The following TAF4B variants were observed in gnomAD, a reference collection of about 807,000 sequenced individuals.
The protein encoded by TAF4B is transcription initiation factor TFIID subunit 4B.
TAF4B carries 38 observed loss-of-function variants against 86.4 expected under a neutral mutation model. The ratio of observed to expected loss-of-function variants is 0.44; its 90% confidence interval spans 0.34 to 0.58. The LOEUF (loss-of-function observed/expected upper bound fraction) is 0.58, where lower values mean the gene tolerates loss of function less well. TAF4B is among the 20% of genes least tolerant of loss of function. The pLI, the probability that TAF4B is intolerant of heterozygous loss-of-function variation, is 0.02. For missense variants in TAF4B, 988 were observed against 1,027.6 expected, an observed-to-expected ratio of 0.96 and a Z score of 0.53; for synonymous variants, 388 against 391.2, an observed-to-expected ratio of 0.99 and a Z score of 0.10.
rs571638155 is a variant in TAF4B, at chr18:26,282,129, T to G, written c.972+69T>G. 13 of 1,272,226 alleles carry G rather than the reference T, an allele frequency of 1.0e-5. No homozygotes were observed. In the South Asian group the frequency reaches 1.4e-4, roughly 14 times the overall value. The allele number at this position is 1,272,226 out of a possible 1,614,324, so 78.8% of individuals were successfully genotyped here. The stretch of plus-strand genomic sequence containing the variant: ...ACTCTAAAATAATTAAAAATGGGAA[T>G]ATTTCAATATGACAGCAATTGAATG... On this transcript the variant is annotated intron_variant, in intron 6 of 14. Coordinates refer to ENST00000269142, the MANE Select transcript of TAF4B (RefSeq NM_005640.3).
chr18:26,285,952 C>CATGGTCTAG lies in TAF4B; in HGVS notation c.1043_1044insATGGTCTAG (p.Thr348_Ser349insTrpSerSer). ...TTCATCCAGCAATGTGTTCAGCAGACTTCTAGTGACATGGTCATTGCTACC... is the reference window on the plus strand; with the variant it reads ...TTCATCCAGCAATGTGTTCAGCAGACATGGTCTAGTTCTAGTGACATGGTCATTGCTACC... On this transcript the variant is annotated inframe_insertion, in exon 7 of 15. Coordinates refer to ENST00000269142, the MANE Select transcript of TAF4B (RefSeq NM_005640.3). 1.2e-6 allele frequency: 2 copies of CATGGTCTAG among 1,614,210 alleles called. No homozygotes were observed. Among genetic ancestry groups the CATGGTCTAG allele is most frequent in the Non-Finnish European group, 1.7e-6 (2 of 1,180,026 alleles).
intron 1 of TAF4B, among the ~76,000 whole-genome samples, chr18:26,252,223 T>C (rs1263023332): frequency 6.6e-6 from 1 of 152,244 alleles, no homozygotes; most frequent in East Asian, 1.9e-4. Flanking sequence ...GTGTTAGTTT[T>C]GTACTTTGTT....
At chr18:26,237,408 A>G (rs2055765577) in intron 1 of TAF4B, among the ~76,000 whole-genome samples, 1 of 152,184 alleles carries the variant, frequency 6.6e-6, no homozygotes, top group Non-Finnish European at 1.5e-5. Context: ...TAAATCAGAG[A>G]GGTAGAAGGG....
chr18:26,284,615 C>T (rs1315710315), intron 6 of TAF4B, among the ~76,000 whole-genome samples: 4 of 152,134 alleles, frequency 2.6e-5, no homozygotes, highest in African/African-American at 7.2e-5. Flanking sequence ...TGGTGGCTCA[C>T]GCGTGTAATC....
At chr18:26,341,701 GA>G (rs1188145408) in intron 13 of TAF4B, among the ~76,000 whole-genome samples, 5 of 150,380 alleles carry the variant, frequency 3.3e-5, no homozygotes, top group South Asian at 2.1e-4. Flanking sequence ...GTGGTTGGGA[GA>G]AAAAAAAATA....
chr18:26,292,349 A>T lies in TAF4B; in HGVS notation c.1694A>T (p.Asn565Ile). The T allele has an allele frequency of 1.2e-6, 2 of 1,614,110 alleles. No homozygotes were observed. Among genetic ancestry groups the T allele is most frequent in the Non-Finnish European group, 1.7e-6 (2 of 1,179,980 alleles). The change falls in exon 8 of 15, where the codon AAC (asparagine) becomes ATC (isoleucine). Residue 565 changes from asparagine (N) to isoleucine (I), a missense_variant. Around this residue, in one of 3 missense-constraint regions of TAF4B, gnomAD observed 747 missense variants for 737.9 expected, o/e 1.01. Transcript: ENST00000269142. ...TGTGGACAGAAGACGATGCCAGTGA[A>T]CACCATAATACCTACTAGTCAGTTT... ...QKCGQKTMPVNTIIPTSQFPP... is the reference protein window; with the variant it reads ...QKCGQKTMPVITIIPTSQFPP...
At chr18:26,354,590 G>A (rs2057271562) in intron 13 of TAF4B, among the ~76,000 whole-genome samples, 1 of 152,194 alleles carries the variant, frequency 6.6e-6, no homozygotes, top group Non-Finnish European at 1.5e-5. Flanking sequence ...CTGTGTTAAT[G>A]TTTTTTAGGC....
At chr18:26,293,907 AC>A (rs2056628569) in intron 9 of TAF4B, among the ~76,000 whole-genome samples, 2 of 152,160 alleles carry the variant, frequency 1.3e-5, no homozygotes, top group Non-Finnish European at 2.9e-5. Flanking sequence ...GTTATTATGT[AC>A]CCTTTTGCAT....
chr18:26,323,482 T>G (rs1393427341), intron 11 of TAF4B, among the ~76,000 whole-genome samples: 1 of 151,538 alleles, frequency 6.6e-6, no homozygotes, highest in Non-Finnish European at 1.5e-5. Flanking sequence ...CCTCAGCCTT[T>G]CCAGTAGCTA....
At chr18:26,356,585 G>A (rs945004305) in intron 13 of TAF4B, among the ~76,000 whole-genome samples, 4 of 152,068 alleles carry the variant, frequency 2.6e-5, no homozygotes, top group African/African-American at 9.7e-5. Context: ...TACATGTATA[G>A]GGTTTCTCAA....
chr18:26,320,375 A>C (rs891290609), intron 10 of TAF4B, among the ~76,000 whole-genome samples: 7 of 152,138 alleles, frequency 4.6e-5, no homozygotes, highest in Non-Finnish European at 8.8e-5. Context: ...GACTCTTTTG[A>C]GTATGTGGTC....
chr18:26,331,604 C>G (rs150284705), intron 12 of TAF4B, among the ~76,000 whole-genome samples: 108 of 152,278 alleles, frequency 7.1e-4, no homozygotes, highest in African/African-American at 2.1e-3. Flanking sequence ...AATTACACCA[C>G]CATCTTCCCA....
chr18:26,316,584 T>C (rs2144668394), intron 10 of TAF4B, among the ~76,000 whole-genome samples: 1 of 152,224 alleles, frequency 6.6e-6, no homozygotes, highest in Middle Eastern at 3.4e-3. Flanking sequence ...AGAGACAGGG[T>C]TTTACCATGT....
intron 1 of TAF4B, among the ~76,000 whole-genome samples, chr18:26,232,087 T>G (rs985480142): frequency 2.6e-5 from 4 of 152,160 alleles, no homozygotes; most frequent in South Asian, 4.1e-4. Context: ...ATCTTCTTGC[T>G]AGCTACAGAG....
intron 12 of TAF4B, among the ~76,000 whole-genome samples, chr18:26,332,780 C>T (rs531810568): frequency 1.3e-5 from 2 of 152,266 alleles, no homozygotes; most frequent in East Asian, 3.9e-4. Context: ...GATCCACCCA[C>T]CTCAGCATCC....
At chr18:26,246,018 T>G (rs554799321) in intron 1 of TAF4B, among the ~76,000 whole-genome samples, 2 of 152,190 alleles carry the variant, frequency 1.3e-5, no homozygotes, top group Non-Finnish European at 2.9e-5. Flanking sequence ...AGTGGAATTG[T>G]TGGTTCAAAT....
intron 14 of TAF4B, among the ~76,000 whole-genome samples, chr18:26,385,003 C>G (rs889892913): frequency 1.3e-5 from 2 of 152,124 alleles, no homozygotes; most frequent in African/African-American, 4.8e-5. Flanking sequence ...AGAACGTAGA[C>G]TAGCATGAAG....
At chr18:26,366,461 T>C (rs1448413918) in intron 14 of TAF4B, 1 of 152,040 alleles carries the variant, frequency 6.6e-6, no homozygotes, top group East Asian at 1.9e-4. Context: ...AGAAGAGTAA[T>C]AAAAGAAGGT....
Position 26,252,097 on chromosome 18 carries a change from A to G in TAF4B, c.344-13073A>G, listed in dbSNP as rs541847425. Among the ~76,000 whole-genome samples, 3 of 152,322 alleles carry G rather than the reference A, an allele frequency of 2.0e-5. 1 individual carries two copies. Among genetic ancestry groups the G allele is most frequent in the African/African-American group, 7.2e-5 (3 of 41,580 alleles). ...GTCTGAGGTTTACCCATCCATGAAC[A>G]TGGATCTCTTTCCATTTATTTAGAT... On this transcript the variant is annotated intron_variant, in intron 1 of 14. Coordinates refer to ENST00000269142, the MANE Select transcript of TAF4B (RefSeq NM_005640.3).
Sources: allele counts gnomAD v4.1 joint callset (sites outside exome capture counted in the v4.1 genomes callset), GRCh38; gene constraint gnomAD v4.1.1; regional missense constraint gnomAD v4.1.1; transcripts MANE v1.5; gene names NCBI Gene and HGNC (gene_info 2026-07-23, HGNC 2026-07-21).